Variants in NR2C1 observed in about 807,000 individuals in gnomAD.
NR2C1 encodes nuclear receptor subfamily 2 group C member 1, also known as TR2 nuclear hormone receptor.
NR2C1 carries 33 observed loss-of-function variants against 74.8 expected under a neutral mutation model. The observed-to-expected ratio is 0.44, with a 90% confidence interval of 0.33 to 0.59. The LOEUF is 0.59. Among genes scored for constraint, NR2C1 ranks in the 20% least tolerant of loss-of-function variants. The pLI is 0.02. For missense variants in NR2C1, 568 were observed against 715.6 expected, an observed-to-expected ratio of 0.79 and a Z score of 2.35; for synonymous variants, 225 against 240.6, an observed-to-expected ratio of 0.94 and a Z score of 0.60.
intron 1 of NR2C1, among the ~76,000 whole-genome samples, chr12:95,067,730 A>G (rs907818357): frequency 1.3e-5 from 2 of 151,610 alleles, no homozygotes; most frequent in Non-Finnish European, 1.5e-5. Flanking sequence ...CACCTGGCTA[A>G]TTTTTTATTT....
intron 10 of NR2C1, among the ~76,000 whole-genome samples, chr12:95,034,693 T>TTC (rs148645168): frequency 0.011 from 1,615 of 152,328 alleles, 23 homozygotes; most frequent in African/African-American, 0.037. Flanking sequence ...TTATGGACAC[T>TTC]TCTCTATGTT....
Position 95,049,079 on chromosome 12 carries a change from C to T in NR2C1, c.1120G>A (p.Val374Ile). The T allele has an allele frequency of 6.2e-7, 1 of 1,613,664 alleles. No homozygotes were observed. The highest frequency in any genetic ancestry group is 8.5e-7 in the Non-Finnish European group (1 of 1,179,702). ...ACATATAGAAATACCCTGAAAGCTA[C>T]ATGTGAATCGCTGAGAAGTGGCCCC... is the stretch of plus-strand genomic sequence containing the variant. ...KEGPLLSDSH[V>I]AFRLTMPSPM... The change falls in exon 9 of 14, where the codon GTA (valine) becomes ATA (isoleucine). Residue 374 changes from valine to isoleucine, a missense_variant. Transcript: ENST00000333003.
chr12:95,033,772 G>A (rs1227004803), intron 10 of NR2C1, among the ~76,000 whole-genome samples: 2 of 152,170 alleles, frequency 1.3e-5, no homozygotes, highest in African/African-American at 2.4e-5. Flanking sequence ...GTATCTCAGA[G>A]ACCAATGCAG....
intron 7 of NR2C1, among the ~76,000 whole-genome samples, chr12:95,053,088 A>G (rs1873268929): frequency 6.6e-6 from 1 of 151,536 alleles, no homozygotes; most frequent in African/African-American, 2.4e-5. Context: ...GGTTCAAGTG[A>G]TCTTCCCACC....
Position 95,021,583 on chromosome 12 carries a change from A to G in NR2C1, c.*646T>C, listed in dbSNP as rs1345964335. The G allele has an allele frequency of 1.3e-5, 2 of 152,172 alleles. No homozygotes were observed. The highest frequency in any genetic ancestry group is 2.9e-5 in the Non-Finnish European group (2 of 68,034). The allele number at this position is 152,172 out of a possible 1,614,324, so 9.4% of individuals were successfully genotyped here. A position where few individuals can be genotyped will look rare whatever the true frequency, so the allele number is the denominator to read the frequency against. ...TTTTCTGCTATATAAAGTGCTTGTA[A>G]CTAATAATATACATTAAAAATGGCA... is the stretch of plus-strand genomic sequence containing the variant. On this transcript the variant is annotated 3_prime_UTR_variant, in exon 14 of 14. Coordinates refer to ENST00000333003, the MANE Select transcript of NR2C1 (RefSeq NM_003297.4).
At chr12:95,027,158 G>C (rs1446119055) in intron 12 of NR2C1, among the ~76,000 whole-genome samples, 1 of 152,128 alleles carries the variant, frequency 6.6e-6, no homozygotes, top group Non-Finnish European at 1.5e-5. Flanking sequence ...GGGCTGAAGT[G>C]ATCCTCCCAC....
At chr12:95,029,922 G>A (rs1161983882) in intron 11 of NR2C1, among the ~76,000 whole-genome samples, 1 of 152,100 alleles carries the variant, frequency 6.6e-6, no homozygotes, top group Non-Finnish European at 1.5e-5. Flanking sequence ...AAGCTAGGGT[G>A]TAGTGGTGCC....
intron 1 of NR2C1, among the ~76,000 whole-genome samples, chr12:95,070,742 C>G (rs1247257436): frequency 6.6e-6 from 1 of 152,226 alleles, no homozygotes; most frequent in Non-Finnish European, 1.5e-5. Context: ...AGGTGCCTGG[C>G]ACTGTGAACA....
In NR2C1 at chr12:95,062,941, CCTCA is replaced by C. The variant is rs1400640315; in HGVS notation, c.55-207_55-204del. 69 of 575,148 alleles carry C rather than the reference CCTCA, an allele frequency of 1.2e-4. No homozygotes were observed. The South Asian group carries it at 1.4e-3, about 12-fold the overall frequency. 35.6% of individuals were successfully genotyped at this position (575,148 alleles called of 1,614,324 possible). A position where few individuals can be genotyped will look rare whatever the true frequency, so the allele number is the denominator to read the frequency against. ...AGGTACAATAGTAAGAACATTTTGA[CCTCA>C]CTATTTTGATTCCCTCCTTCCCCTT... On this transcript the variant is annotated intron_variant, in intron 2 of 13. Coordinates refer to ENST00000333003, the MANE Select transcript of NR2C1 (RefSeq NM_003297.4).
intron 13 of NR2C1, 58 bp from the exon 14 acceptor site, chr12:95,022,461 G>T: frequency 7.3e-7 from 1 of 1,370,888 alleles, no homozygotes; most frequent in Non-Finnish European, 1.0e-6. Flanking sequence ...AAGAAATTTA[G>T]TAGAAAAATA....
Position 95,022,417 on chromosome 12 carries a change from GA to G in NR2C1, c.1638-15del. ...AGTCTGGATAACCTAAAAAAAGAAA[GA>G]AAAAAGGGAGAGGAACAAGGTTGTA... is the stretch of plus-strand genomic sequence containing the variant. On this transcript the variant is annotated splice_polypyrimidine_tract_variant and intron_variant, in intron 13 of 13. Transcript: ENST00000333003. 2 of 1,584,772 alleles carry G rather than the reference GA, an allele frequency of 1.3e-6. No homozygotes were observed.
At chr12:95,044,504 C>A (rs112976005) in intron 9 of NR2C1, among the ~76,000 whole-genome samples, 1 of 151,118 alleles carries the variant, frequency 6.6e-6, no homozygotes, top group Non-Finnish European at 1.5e-5. Context: ...TCTTGAACTC[C>A]TGACCTCGTG....
intron 10 of NR2C1, among the ~76,000 whole-genome samples, chr12:95,034,788 G>A (rs1440186681): frequency 6.6e-6 from 1 of 152,114 alleles, no homozygotes; most frequent in Non-Finnish European, 1.5e-5. Context: ...TCCTAGGTTT[G>A]TAGCCTAGGA....
rs1874100691 is a variant in NR2C1 at position 95,057,552 on chromosome 12, C to G, written c.783+1G>C. On this transcript the variant is annotated splice_donor_variant, in intron 7 of 13. Coordinates refer to ENST00000333003, the MANE Select transcript of NR2C1 (RefSeq NM_003297.4). LOFTEE classifies it high-confidence loss of function. ...TAAGCTTTAAATTGTACTAAACACA[C>G]CTTATCTGATGTCATCAGCACAGCT... is the stretch of plus-strand genomic sequence containing the variant. 6.2e-7 allele frequency: 1 copy of G among 1,602,008 alleles called. No homozygotes were observed. Among genetic ancestry groups the G allele is most frequent in the African/African-American group, 1.3e-5 (1 of 74,518 alleles).
chr12:95,063,308 A>AT (rs914531934), intron 2 of NR2C1, among the ~76,000 whole-genome samples: 1 of 152,212 alleles, frequency 6.6e-6, no homozygotes, highest in Non-Finnish European at 1.5e-5. Context: ...AACAGAGCAT[A>AT]TAAGTAGGTC....
At chr12:95,066,775 A>G (rs1378458414) in intron 2 of NR2C1, among the ~76,000 whole-genome samples, 3 of 152,238 alleles carry the variant, frequency 2.0e-5, no homozygotes, top group African/African-American at 7.2e-5. Flanking sequence ...CACAGTCTGT[A>G]GAAAATTCCA....
chr12:95,025,978 G>C (rs186573681), intron 12 of NR2C1, among the ~76,000 whole-genome samples: 2 of 151,490 alleles, frequency 1.3e-5, no homozygotes, highest in African/African-American at 2.4e-5. Flanking sequence ...AGGCCGAGGT[G>C]GGGGGGATCA....
chr12:95,073,556 A>G lies in NR2C1; in HGVS notation c.-184T>C, dbSNP rs895679508. The G allele has an allele frequency of 5.3e-5, 8 of 152,250 alleles. No individual in the cohort carries two copies. The highest frequency in any genetic ancestry group is 5.2e-4 in the Admixed American group (8 of 15,296). The allele number at this position is 152,250 out of a possible 1,614,324, so 9.4% of individuals were successfully genotyped here. ...TGTTTGGGTATTTCTGGGGGGTCAG[A>G]GTTCGTGACCTCTTTCTCGGCTCGG... is the stretch of plus-strand genomic sequence containing the variant. On this transcript the variant is annotated 5_prime_UTR_variant, in exon 1 of 14. Coordinates refer to ENST00000333003, the MANE Select transcript of NR2C1 (RefSeq NM_003297.4).
chr12:95,035,577 A>C (rs903905320), intron 10 of NR2C1, among the ~76,000 whole-genome samples: 2 of 152,218 alleles, frequency 1.3e-5, no homozygotes, highest in African/African-American at 4.8e-5. Context: ...AAGAATACCA[A>C]AATTATTACT....
Sources: gnomAD v4.1 joint callset for allele counts (sites outside exome capture counted in the v4.1 genomes callset) on GRCh38, gnomAD v4.1.1 for gene constraint, MANE v1.5 for transcripts, NCBI Gene and HGNC (gene_info 2026-07-23, HGNC 2026-07-21) for gene names.